PEAK1: variants seen among roughly 807,000 people sequenced by gnomAD.
PEAK1 encodes the protein inactive tyrosine-protein kinase PEAK1.
In PEAK1, 54 loss-of-function variants were observed where a neutral mutation model predicts 124.7. The ratio of observed to expected loss-of-function variants is 0.43; its 90% CI spans 0.35 to 0.54. The LOEUF is 0.54. PEAK1 is among the 20% of genes least tolerant of loss of function. The pLI, the probability that PEAK1 is intolerant of heterozygous loss-of-function variation, is 0.01. For missense variants in PEAK1, 2,046 were observed against 2,134.5 expected (o/e 0.96, Z 0.82); for synonymous variants, 719 against 760.0 (o/e 0.95, Z 0.89).
At chr15:77,242,822 C>T (rs945846040) in intron 6 of PEAK1, among the ~76,000 whole-genome samples, 1 of 152,170 alleles carries the variant, frequency 6.6e-6, no homozygotes, top group African/African-American at 2.4e-5. Context: ...TATCATGCCT[C>T]ACTTATAACA....
intron 7 of PEAK1, among the ~76,000 whole-genome samples, chr15:77,176,966 T>C (rs1378287062): frequency 7.1e-6 from 1 of 140,382 alleles, no homozygotes; most frequent in Non-Finnish European, 1.7e-5. Flanking sequence ...GAAATACATG[T>C]TTTTTTTTGA....
intron 8 of PEAK1, among the ~76,000 whole-genome samples, chr15:77,147,942 A>G (rs1295927660): frequency 6.6e-6 from 1 of 152,196 alleles, no homozygotes; most frequent in Non-Finnish European, 1.5e-5. Flanking sequence ...TAGGCATTTG[A>G]AATGTTGTTA....
chr15:77,367,115 CG>C (rs1567313846), intron 1 of PEAK1, among the ~76,000 whole-genome samples: 2 of 152,070 alleles, frequency 1.3e-5, no homozygotes, highest in African/African-American at 4.8e-5. Context: ...GCCTGGCGAC[CG>C]GGCGAGACTC....
intron 1 of PEAK1, chr15:77,403,707 A>G (rs1469426062): frequency 1.1e-6 from 1 of 930,546 alleles, no homozygotes; most frequent in Non-Finnish European, 1.3e-6. Flanking sequence ...CATATTAAGA[A>G]AAAAGGGCAG....
intron 6 of PEAK1, among the ~76,000 whole-genome samples, chr15:77,224,942 A>C (rs1378190065): frequency 6.6e-6 from 1 of 151,850 alleles, no homozygotes; most frequent in Non-Finnish European, 1.5e-5. Context: ...TCTCCTATCT[A>C]ATGTCTTTGC....
At chr15:77,313,682 G>GTATATATATATATATATATATATATA (rs1567244747) in intron 2 of PEAK1, among the ~76,000 whole-genome samples, 1 of 118,612 alleles carries the variant, frequency 8.4e-6, no homozygotes, top group African/African-American at 4.0e-5. Flanking sequence ...GTGTGTGTGT[G>GTATATATATATATATATATATATATA]TGTGTGTGTG....
At chr15:77,250,494 G>A (rs541593881) in intron 6 of PEAK1, among the ~76,000 whole-genome samples, 4 of 151,270 alleles carry the variant, frequency 2.6e-5, no homozygotes, top group South Asian at 4.2e-4. Context: ...GTGCAGTGGC[G>A]CAATCTCAGC....
At chr15:77,350,045 C>T (rs1310167141) in intron 2 of PEAK1, 26 of 985,214 alleles carry the variant, frequency 2.6e-5, no homozygotes, top group Non-Finnish European at 3.1e-5. Flanking sequence ...GAAGTCAGGG[C>T]TCAGCCACCA....
At chr15:77,400,985 C>T (rs1294324193) in intron 1 of PEAK1, among the ~76,000 whole-genome samples, 1 of 152,096 alleles carries the variant, frequency 6.6e-6, no homozygotes, top group Admixed American at 6.5e-5. Flanking sequence ...TCAAACACTA[C>T]ATAACAATCT....
chr15:77,111,241 ATG>A lies in PEAK1; in HGVS notation c.*2913_*2914del, dbSNP rs2050958767. On this transcript the variant is annotated 3_prime_UTR_variant, in exon 10 of 10. Coordinates refer to ENST00000682557, the MANE Select transcript of PEAK1 (RefSeq NM_001385026.1). ...ACAATTCAAACACATAGATATATAA[ATG>A]TGTGTGTATGTGTCTACAGAGGGTA... is the stretch of plus-strand genomic sequence containing the variant. 6.6e-6 allele frequency: 1 copy of A among 152,218 alleles called. No individual in the cohort carries two copies. Among genetic ancestry groups the A allele is most frequent in the Non-Finnish European group, 1.5e-5 (1 of 68,040 alleles). The allele number at this position is 152,218 out of a possible 1,614,324, so 9.4% of individuals were successfully genotyped here. A position where few individuals can be genotyped will look rare whatever the true frequency, so the allele number is the denominator to read the frequency against.
intron 6 of PEAK1, among the ~76,000 whole-genome samples, chr15:77,204,165 G>A (rs561153390): frequency 3.3e-5 from 5 of 152,248 alleles, no homozygotes; most frequent in East Asian, 3.9e-4. Flanking sequence ...ACCACATCAC[G>A]TTATTAGGGA....
chr15:77,353,555 T>C (rs2067329470), intron 2 of PEAK1, among the ~76,000 whole-genome samples: 1 of 152,170 alleles, frequency 6.6e-6, no homozygotes, highest in Middle Eastern at 3.2e-3. Flanking sequence ...GCAGAAAACT[T>C]AGCAAAACTG....
chr15:77,242,874 T>A (rs2060421097), intron 6 of PEAK1, among the ~76,000 whole-genome samples: 1 of 152,198 alleles, frequency 6.6e-6, no homozygotes, highest in Non-Finnish European at 1.5e-5. Flanking sequence ...CAGGAAAGTA[T>A]AACAATCATT....
intron 2 of PEAK1, chr15:77,349,767 C>T: frequency 1.0e-6 from 1 of 985,196 alleles, no homozygotes; most frequent in Non-Finnish European, 1.2e-6. Context: ...GATTCACTTT[C>T]ACAAATAATT....
At chr15:77,138,571 T>G (rs937143299) in intron 8 of PEAK1, among the ~76,000 whole-genome samples, 1 of 152,324 alleles carries the variant, frequency 6.6e-6, no homozygotes, top group African/African-American at 2.4e-5. Flanking sequence ...TTTCAAAATA[T>G]TTTTTCTTTG....
intron 1 of PEAK1, among the ~76,000 whole-genome samples, chr15:77,397,617 T>C (rs1486040681): frequency 2.0e-5 from 3 of 152,054 alleles, no homozygotes; most frequent in Non-Finnish European, 2.9e-5. Context: ...AAACCAATAC[T>C]GCAGAAATTC....
At chr15:77,248,107 G>A (rs1433447196) in intron 6 of PEAK1, among the ~76,000 whole-genome samples, 1 of 151,880 alleles carries the variant, frequency 6.6e-6, no homozygotes, top group African/African-American at 2.4e-5. Flanking sequence ...ATGCTGCCCA[G>A]GCTGGTCTCA....
chr15:77,266,772 C>T (rs746531565), intron 5 of PEAK1, among the ~76,000 whole-genome samples: 2 of 152,170 alleles, frequency 1.3e-5, no homozygotes, highest in Non-Finnish European at 2.9e-5. Context: ...ACCCACATCA[C>T]GAACTTCTGC....
chr15:77,382,151 T>C (rs1274696082), intron 1 of PEAK1, among the ~76,000 whole-genome samples: 1 of 152,080 alleles, frequency 6.6e-6, no homozygotes, highest in African/African-American at 2.4e-5. Context: ...ATCTTTAACT[T>C]TAGTGGGGCA....
Sources: allele counts gnomAD v4.1 joint callset (sites outside exome capture counted in the v4.1 genomes callset), GRCh38; gene constraint gnomAD v4.1.1; transcripts MANE v1.5; gene names NCBI Gene and HGNC (gene_info 2026-07-23, HGNC 2026-07-21).